The following SPTBN5 variants were observed in gnomAD, a reference collection of about 807,000 sequenced individuals.
SPTBN5 encodes the protein spectrin beta chain, non-erythrocytic 5.
In SPTBN5, 513 loss-of-function variants were observed where a neutral mutation model predicts 477.6. The observed-to-expected ratio is 1.07, with a 90% CI of 1.00 to 1.16. The LOEUF (loss-of-function observed/expected upper bound fraction) is 1.16. Among genes scored for constraint, SPTBN5 ranks in the 50% most tolerant of loss-of-function variants. The pLI, the probability that SPTBN5 is intolerant of heterozygous loss-of-function variation, is 0.00. For synonymous variants in SPTBN5, 2,169 were observed against 2,011.7 expected (o/e 1.08, Z -2.09); for missense variants, 5,062 against 4,731.8 (o/e 1.07, Z -2.05).
Position 41,865,817 on chromosome 15 carries a change from G to A in SPTBN5, c.6909C>T (p.Asn2303=). The A allele has an allele frequency of 1.9e-6, 3 of 1,561,688 alleles. No individual in the cohort carries two copies. Among genetic ancestry groups the A allele is most frequent in the South Asian group, 1.2e-5 (1 of 84,588 alleles). ...LRRRLREFRG[N]SAGDTVGDAC... The stretch of plus-strand genomic sequence containing the variant: ...AGCAAGGCCCTCTTACCCCGGCCGA[G>A]TTTCCTCGGAACTCGCGGAGCCGCC... The change falls in exon 39 of 68, where the codon AAC becomes AAT. Residue 2303 remains asparagine, a synonymous_variant. Coordinates refer to ENST00000320955, the MANE Select transcript of SPTBN5 (RefSeq NM_016642.4).
chr15:41,869,854 C>G lies in SPTBN5; in HGVS notation c.5840G>C (p.Arg1947Pro). The G allele has an allele frequency of 6.4e-7, 1 of 1,558,710 alleles. No individual in the cohort carries two copies. The highest frequency in any genetic ancestry group is 8.6e-7 in the Non-Finnish European group (1 of 1,162,524). ...AQLERARLLA[R>P]FRTAVRDYAS... Reference sequence around the variant, plus strand: ...AGGAGCCCTCACCGCCGTGCGGAAGCGGGCCAGGAGGCGTGCCCGCTCCAG... The same window carrying G: ...AGGAGCCCTCACCGCCGTGCGGAAGGGGGCCAGGAGGCGTGCCCGCTCCAG... The change falls in exon 32 of 68, where the codon CGC (arginine) becomes CCC (proline). Residue 1947 changes from arginine to proline, a missense_variant. Physicochemically the swap from Arg to Pro is moderately radical, Grantham distance 103. Transcript: ENST00000320955.
chr15:41,848,605 TG>T lies in SPTBN5; in HGVS notation c.*10del, dbSNP rs770100039. ...GTGCCCCTGAAGTTTGGTGTTGCAC[TG>T]GGGTTCACCTCAGGGATCAGACCTG... On this transcript the variant is annotated 3_prime_UTR_variant, in exon 68 of 68. Coordinates refer to ENST00000320955, the MANE Select transcript of SPTBN5 (RefSeq NM_016642.4). 3.1e-6 allele frequency: 5 copies of T among 1,613,940 alleles called. No homozygotes were observed. The highest frequency in any genetic ancestry group is 4.2e-6 in the Non-Finnish European group (5 of 1,179,834).
Position 41,849,920 on chromosome 15 carries a change from C to T in SPTBN5, c.10961G>A (p.Ser3654Asn). ...CTTGGTCGTGCACTCATTCAGAGAGCTGACAGGTTTGGCTTTGAGTTTTGG... is the reference window on the plus strand; with the variant it reads ...CTTGGTCGTGCACTCATTCAGAGAGTTGACAGGTTTGGCTTTGAGTTTTGG... ...LSPKLKAKPV[S>N]SLNECTTKDA... The change falls in exon 67 of 68, where the codon AGC becomes AAC. Residue 3654 changes from serine to asparagine, a missense_variant. Coordinates refer to ENST00000320955, the MANE Select transcript of SPTBN5 (RefSeq NM_016642.4). 6.3e-7 allele frequency: 1 copy of T among 1,597,496 alleles called. No individual in the cohort carries two copies. The highest frequency in any genetic ancestry group is 8.5e-7 in the Non-Finnish European group (1 of 1,171,776).
intron 66 of SPTBN5, 58 bp from the exon 67 acceptor site, chr15:41,850,017 G>C: frequency 3.6e-6 from 5 of 1,397,862 alleles, no homozygotes; most frequent in Non-Finnish European, 5.0e-6. Context: ...CAGGCGCCAG[G>C]TCTGGCTGCT....
intron 39 of SPTBN5, among the ~76,000 whole-genome samples, chr15:41,864,819 C>A (rs2066242254): frequency 1.3e-5 from 2 of 152,238 alleles, no homozygotes; most frequent in African/African-American, 4.8e-5. Flanking sequence ...GATTGCAGAT[C>A]TCCTGCCTCT....
chr15:41,848,535 C>A lies in SPTBN5; in HGVS notation c.*81G>T. The A allele has an allele frequency of 6.4e-7, 1 of 1,557,822 alleles. No homozygotes were observed. The highest frequency in any genetic ancestry group is 8.9e-7 in the Non-Finnish European group (1 of 1,128,940). ...GCAGCCACGGGAAGGAGCCCTTTTG[C>A]CTGTAGCTGAGTCTTATTCTGGTCC... is the stretch of plus-strand genomic sequence containing the variant. On this transcript the variant is annotated 3_prime_UTR_variant, in exon 68 of 68. Coordinates refer to ENST00000320955, the MANE Select transcript of SPTBN5 (RefSeq NM_016642.4).
intron 61 of SPTBN5, 100 bp from the exon 62 acceptor site, chr15:41,852,416 AG>A (rs2065796280): frequency 2.1e-6 from 3 of 1,452,028 alleles, no homozygotes; most frequent in East Asian, 2.5e-5. Context: ...TCCCGGTCAG[AG>A]GGGGCCTGCC....
intron 18 of SPTBN5, 72 bp downstream of exon 18, chr15:41,877,044 T>C (rs1463354399): frequency 9.4e-6 from 15 of 1,599,262 alleles, no homozygotes; most frequent in Non-Finnish European, 1.0e-5. Context: ...CAGCCTGGCT[T>C]CTGGACTCAA....
In SPTBN5 at chr15:41,867,019, G is replaced by A. The variant is rs930966244; in HGVS notation, c.6420C>T (p.Ser2140=). Residue 2140 remains serine (S), a synonymous_variant, in exon 36 of 68, where the codon AGC becomes AGT. Coordinates refer to ENST00000320955, the MANE Select transcript of SPTBN5 (RefSeq NM_016642.4). ...GGGAGGCATGCAGGGCGTGTCCCCG[G>A]CTCTCCGCCAGCTCCTTCACTCTCA... ...RRMRVKELAE[S]RGHALHASLL... is the part of the protein sequence containing the mutation. The A allele has an allele frequency of 9.0e-6, 14 of 1,558,596 alleles. No homozygotes were observed. Among genetic ancestry groups the A allele is most frequent in the Non-Finnish European group, 1.2e-5 (14 of 1,151,792 alleles).
At position 41,853,384 on chromosome 15, in the gene SPTBN5, C is replaced by T; in HGVS notation, c.10044G>A (p.Gly3348=). The T allele has an allele frequency of 3.7e-6, 6 of 1,609,620 alleles. No homozygotes were observed. Among genetic ancestry groups the T allele is most frequent in the Non-Finnish European group, 4.2e-6 (5 of 1,177,300 alleles). Reference sequence around the variant, plus strand: ...CATGCTGCCCAAGGAGCTGCTCAGCCCCCGCCACGTCCTCAGCCAGCTCCT... The same window carrying T: ...CATGCTGCCCAAGGAGCTGCTCAGCTCCCGCCACGTCCTCAGCCAGCTCCT... The part of the protein sequence containing the change: ...SSEELAEDVA[G]AEQLLGQHEE... The change falls in exon 59 of 68, where the codon GGG becomes GGA. Residue 3348 remains glycine, a synonymous_variant. Transcript: ENST00000320955.
At chr15:41,874,083 C>A (rs1245891629) in intron 24 of SPTBN5, 38 bp from the exon 25 acceptor site, 2 of 1,552,924 alleles carry the variant, frequency 1.3e-6, no homozygotes, top group East Asian at 4.8e-5. Flanking sequence ...TGCTCTTAAC[C>A]CAGGGGCGTC....
At chr15:41,893,725 C>T in intron 1 of SPTBN5, 174 bp downstream of exon 1, 1 of 695,118 alleles carries the variant, frequency 1.4e-6, no homozygotes, top group Non-Finnish European at 2.3e-6. Flanking sequence ...CCCCCTTTGC[C>T]CCACCCCACC....
rs1483781571 is a variant in SPTBN5, at chr15:41,875,484, G to C, written c.4261C>G (p.Gln1421Glu). The C allele has an allele frequency of 2.5e-6, 4 of 1,612,422 alleles. No individual in the cohort carries two copies. The highest frequency in any genetic ancestry group is 3.4e-6 in the Non-Finnish European group (4 of 1,179,494). Reference protein sequence around the residue: ...RGDELQQAGQQEQLLRQLQDA... With the variant: ...RGDELQQAGQEEQLLRQLQDA... The stretch of plus-strand genomic sequence containing the variant: ...TGCAGCTGCCTCAGGAGTTGCTCCT[G>C]CTGTCCAGCCTGCTGGAGCTCGTCC... Residue 1421 changes from glutamine to glutamate, a missense_variant, in exon 22 of 68, where the codon CAG (glutamine) becomes GAG (glutamate). By Grantham distance (29) the Gln-to-Glu change is conservative. Coordinates refer to ENST00000320955, the MANE Select transcript of SPTBN5 (RefSeq NM_016642.4).
In SPTBN5 at chr15:41,872,384, G is replaced by A. The variant is rs562049066; in HGVS notation, c.5083C>T (p.Pro1695Ser). 6.2e-7 allele frequency: 1 copy of A among 1,608,536 alleles called. No individual in the cohort carries two copies. The highest frequency in any genetic ancestry group is 2.2e-5 in the East Asian group (1 of 44,716). Reference protein sequence around the residue: ...LDQTAQTLTGPEVPEQQRVVQ... With the variant: ...LDQTAQTLTGSEVPEQQRVVQ... ...ACACGCTGCTGCTCAGGGACTTCGGGGCCAGTGAGGGTTTGGGCCGTCTGG... is the reference window on the plus strand; with the variant it reads ...ACACGCTGCTGCTCAGGGACTTCGGAGCCAGTGAGGGTTTGGGCCGTCTGG... Residue 1695 changes from proline (P) to serine (S), a missense_variant, in exon 27 of 68, where the codon CCC becomes TCC. Pro to Ser is a moderately conservative substitution (Grantham distance 74). Coordinates refer to ENST00000320955, the MANE Select transcript of SPTBN5 (RefSeq NM_016642.4).
chr15:41,888,792 G>A (rs1156752336), intron 4 of SPTBN5, among the ~76,000 whole-genome samples: 2 of 152,214 alleles, frequency 1.3e-5, no homozygotes, highest in Non-Finnish European at 2.9e-5. Flanking sequence ...AAAATATCAA[G>A]GCTCAGCAGG....
chr15:41,867,702 G>T, intron 34 of SPTBN5, 60 bp from the exon 35 acceptor site: 1 of 1,513,366 alleles, frequency 6.6e-7, no homozygotes, highest in Non-Finnish European at 9.1e-7. Context: ...CCCTCCAGCT[G>T]CAGTCTGTGC....
intron 21 of SPTBN5, 149 bp from the exon 22 acceptor site, chr15:41,875,771 C>T (rs1035941909): frequency 2.4e-6 from 2 of 846,992 alleles, no homozygotes; most frequent in African/African-American, 3.4e-5. Flanking sequence ...TTCATGTGGC[C>T]CCAAAACTGC....
rs764486680 is a variant in SPTBN5 at position 41,886,128 on chromosome 15, G to C, written c.1127C>G (p.Ala376Gly). 3.7e-6 allele frequency: 6 copies of C among 1,611,060 alleles called. No homozygotes were observed. In the East Asian group the frequency reaches 1.3e-4, roughly 36 times the overall value. The part of the protein sequence containing the change: ...AEALLFRLQT[A>G]LQAQNRRPFL... Reference sequence around the variant, plus strand: ...GGGCCTGCGGTTCTGGGCTTGGAGTGCTGTCTGTAGCCGGAAGAGCAGGGC... The same window carrying C: ...GGGCCTGCGGTTCTGGGCTTGGAGTCCTGTCTGTAGCCGGAAGAGCAGGGC... Residue 376 changes from alanine (A) to glycine (G), a missense_variant, in exon 7 of 68, where the codon GCA becomes GGA. By Grantham distance (60) the Ala-to-Gly change is moderately conservative. Transcript: ENST00000320955.
chr15:41,882,797 T>C, intron 9 of SPTBN5, 59 bp from the exon 10 acceptor site: 1 of 1,565,718 alleles, frequency 6.4e-7, no homozygotes, highest in Non-Finnish European at 8.7e-7. Context: ...GGGCAGTGGG[T>C]TCCCCTCCGG....
Sources: gnomAD v4.1 joint callset for allele counts (sites outside exome capture counted in the v4.1 genomes callset) on GRCh38, gnomAD v4.1.1 for gene constraint, MANE v1.5 for transcripts, NCBI Gene and HGNC (gene_info 2026-07-23, HGNC 2026-07-21) for gene names.